The following TUBA3D variants were observed in gnomAD, a reference collection of about 807,000 sequenced individuals.
The protein encoded by TUBA3D is tubulin alpha-3D chain.
TUBA3D carries 24 observed loss-of-function variants against 36.1 expected under a neutral mutation model. The observed-to-expected ratio is 0.66, with a 90% confidence interval of 0.48 to 0.93. The LOEUF (loss-of-function observed/expected upper bound fraction) is 0.93. Ranked by LOEUF, TUBA3D falls within the 40% of genes least tolerant of loss-of-function variation. The pLI, the probability that TUBA3D is intolerant of heterozygous loss-of-function variation, is 0.00. For missense variants in TUBA3D, 356 were observed against 614.5 expected (o/e 0.58, Z 4.45); for synonymous variants, 185 against 247.2 (o/e 0.75, Z 2.36).
chr2:131,480,906 A>ATTT (rs201314369), intron 4 of TUBA3D, among the ~76,000 whole-genome samples, 157 bp downstream of exon 4: 1 of 150,218 alleles, frequency 6.7e-6, no homozygotes, highest in African/African-American at 2.5e-5. Context: ...TGATTCAGTG[A>ATTT]TTTCTTTTTT....
Position 131,480,515 on chromosome 2 carries a change from A to C in TUBA3D, c.822A>C (p.Pro274=). 6.3e-7 allele frequency: 1 copy of C among 1,599,620 alleles called. No homozygotes were observed. Among genetic ancestry groups the C allele is most frequent in the Non-Finnish European group, 8.5e-7 (1 of 1,175,826 alleles). ...RIHFPLATYA[P]VISAEKAYHE... Reference sequence around the variant, plus strand: ...ACTTCCCCCTGGCCACCTATGCCCCAGTCATCTCAGCTGAGAAGGCCTACC... The same window carrying C: ...ACTTCCCCCTGGCCACCTATGCCCCCGTCATCTCAGCTGAGAAGGCCTACC... Residue 274 remains proline, a synonymous_variant, in exon 4 of 5, where the codon CCA becomes CCC. Coordinates refer to ENST00000321253, the MANE Select transcript of TUBA3D (RefSeq NM_080386.4).
At chr2:131,478,040 T>C in intron 1 of TUBA3D, 124 bp from the exon 2 acceptor site, 1 of 1,335,374 alleles carries the variant, frequency 7.5e-7, no homozygotes, top group Non-Finnish European at 1.0e-6. Flanking sequence ...TCCTAGGAAA[T>C]ATCGATTGTG....
intron 1 of TUBA3D, among the ~76,000 whole-genome samples, chr2:131,477,310 T>C (rs941048546): frequency 2.6e-5 from 4 of 152,074 alleles, no homozygotes; most frequent in Admixed American, 2.6e-4. Flanking sequence ...GCTGGGATTA[T>C]AGGAATGAGC....
rs764154486 is a variant in TUBA3D at position 131,482,675 on chromosome 2, A to T, written c.1180A>T (p.Lys394Ter). 3 of 1,614,120 alleles carry T rather than the reference A, an allele frequency of 1.9e-6. No homozygotes were observed. In the Admixed American group the frequency reaches 5.0e-5, roughly 27 times the overall value. Reference sequence around the variant, plus strand: ...GGAGGCCTGGGCCCGCCTGGACCATAAGTTCGATCTCATGTATGCCAAGCG... The same window carrying T: ...GGAGGCCTGGGCCCGCCTGGACCATTAGTTCGATCTCATGTATGCCAAGCG... ...IAEAWARLDH[K>*]FDLMYAKRAF... Residue 394 changes from lysine to a stop codon, truncating the protein, a stop_gained, in exon 5 of 5, where the codon AAG becomes TAG. Coordinates refer to ENST00000321253, the MANE Select transcript of TUBA3D (RefSeq NM_080386.4). LOFTEE classifies it high-confidence loss of function.
rs1678834599 is a variant in TUBA3D at position 131,480,742 on chromosome 2, G to A, written c.1049G>A (p.Gly350Glu). Residue 350 changes from glycine to glutamate, a missense_variant, in exon 4 of 5, where the codon GGA becomes GAA. Gly to Glu is a moderately conservative substitution (Grantham distance 98). This residue lies in a region of TUBA3D where 156 missense variants were observed against 219.8 expected (regional missense o/e 0.71). Coordinates refer to ENST00000321253, the MANE Select transcript of TUBA3D (RefSeq NM_080386.4). Reference protein sequence around the residue: ...TIQFVDWCPTGFKVGINYQPP... With the variant: ...TIQFVDWCPTEFKVGINYQPP... ...CAGTTTGTGGATTGGTGCCCGACTG[G>A]ATTTAAGGTATGACTGGGTGATGTG... The A allele has an allele frequency of 1.6e-5, 25 of 1,609,702 alleles. No homozygotes were observed. The highest frequency in any genetic ancestry group is 2.1e-5 in the Non-Finnish European group (25 of 1,176,826).
At chr2:131,478,967 G>A (rs1250833450) in intron 2 of TUBA3D, among the ~76,000 whole-genome samples, 4 of 152,230 alleles carry the variant, frequency 2.6e-5, no homozygotes, top group Admixed American at 2.6e-4. Context: ...GACTGCCCAG[G>A]TTGTAAGAGT....
Position 131,478,301 on chromosome 2 carries a change from C to T in TUBA3D, c.141C>T (p.Asp47=). ...PSDKTIGGGD[D]SFNTFFSETG... is the part of the protein sequence containing the mutation. Reference sequence around the variant, plus strand: ...ATAAAACCATTGGTGGCGGGGACGACTCCTTCAACACGTTCTTCAGTGAGA... The same window carrying T: ...ATAAAACCATTGGTGGCGGGGACGATTCCTTCAACACGTTCTTCAGTGAGA... The change falls in exon 2 of 5, where the codon GAC becomes GAT. Residue 47 remains aspartate, a synonymous_variant. Transcript: ENST00000321253. The T allele has an allele frequency of 6.2e-7, 1 of 1,614,028 alleles. No homozygotes were observed. The highest frequency in any genetic ancestry group is 8.5e-7 in the Non-Finnish European group (1 of 1,179,896).
At chr2:131,478,105 C>A (rs1449869638) in intron 1 of TUBA3D, 59 bp from the exon 2 acceptor site, 18 of 1,577,126 alleles carry the variant, frequency 1.1e-5, no homozygotes, top group Non-Finnish European at 1.6e-5. Context: ...ATTTTGCATG[C>A]CATATAGTTT....
In TUBA3D at chr2:131,478,195, C is replaced by T. The variant is rs772419712; in HGVS notation, c.35C>T (p.Ala12Val). 4.3e-5 allele frequency: 70 copies of T among 1,613,800 alleles called. No individual in the cohort carries two copies. Among genetic ancestry groups the T allele is most frequent in the African/African-American group, 1.1e-4 (8 of 74,942 alleles). ...TGTATCTCTATCCACGTGGGGCAGG[C>T]GGGTGTCCAGATCGGCAATGCCTGC... ...RECISIHVGQ[A>V]GVQIGNACWE... Residue 12 changes from alanine (A) to valine (V), a missense_variant, in exon 2 of 5, where the codon GCG becomes GTG. Ala to Val is a moderately conservative substitution (Grantham distance 64). This residue lies in a region of TUBA3D where 109 missense variants were observed against 153.7 expected (regional missense o/e 0.71). Transcript: ENST00000321253.
At chr2:131,478,054 G>C in intron 1 of TUBA3D, 110 bp from the exon 2 acceptor site, 1 of 1,430,844 alleles carries the variant, frequency 7.0e-7, no homozygotes, top group Admixed American at 2.5e-5. Flanking sequence ...GATTGTGAAA[G>C]CGCCAGATAC....
chr2:131,479,447 C>A lies in TUBA3D; in HGVS notation c.366C>A (p.Ile122=). ...TTGTTGACCTAGTCCTGGACCGGAT[C>A]CGCAAACTGGTAAGAAGAGAAGGTT... ...KEIVDLVLDR[I]RKLADLCTGL... is the part of the protein sequence containing the mutation. The change falls in exon 3 of 5, where the codon ATC becomes ATA. Residue 122 remains isoleucine, a synonymous_variant. Coordinates refer to ENST00000321253, the MANE Select transcript of TUBA3D (RefSeq NM_080386.4). The A allele has an allele frequency of 6.2e-7, 1 of 1,614,062 alleles. No individual in the cohort carries two copies. Among genetic ancestry groups the A allele is most frequent in the African/African-American group, 1.3e-5 (1 of 74,986 alleles).
At chr2:131,482,104 A>G (rs1288678554) in intron 4 of TUBA3D, among the ~76,000 whole-genome samples, 2 of 152,232 alleles carry the variant, frequency 1.3e-5, no homozygotes, top group South Asian at 2.1e-4. Context: ...CTACCTTTGC[A>G]TATCCACAGT....
chr2:131,478,485 G>A (rs1319639746), intron 2 of TUBA3D, 99 bp downstream of exon 2: 17 of 1,361,414 alleles, frequency 1.2e-5, no homozygotes, highest in Non-Finnish European at 1.7e-5. Context: ...CTGAAAGGAT[G>A]GGATAGACAG....
At chr2:131,479,212 C>A (rs1573859067) in intron 2 of TUBA3D, 96 bp from the exon 3 acceptor site, 9 of 1,514,520 alleles carry the variant, frequency 5.9e-6, no homozygotes, top group Non-Finnish European at 8.0e-6. Flanking sequence ...GTACTTTGAA[C>A]AGCATGTGCT....
At chr2:131,482,244 A>C (rs1270573825) in intron 4 of TUBA3D, among the ~76,000 whole-genome samples, 4 of 152,166 alleles carry the variant, frequency 2.6e-5, no homozygotes, top group Non-Finnish European at 5.9e-5. Flanking sequence ...CAAAGAAGAC[A>C]AGCAGCATAC....
intron 1 of TUBA3D, 71 bp from the exon 2 acceptor site, chr2:131,478,093 A>G: frequency 6.4e-7 from 1 of 1,554,322 alleles, no homozygotes; most frequent in Non-Finnish European, 8.7e-7. Flanking sequence ...TTAAATTAGA[A>G]TATTTTGCAT....
At position 131,482,670 on chromosome 2, in the gene TUBA3D, A is replaced by C; in HGVS notation, c.1175A>C (p.Asp392Ala). The change falls in exon 5 of 5, where the codon GAC becomes GCC. Residue 392 changes from aspartate (D) to alanine (A), a missense_variant. This residue lies in a region of TUBA3D where 156 missense variants were observed against 219.8 expected (regional missense o/e 0.71). Transcript: ENST00000321253. ...TAIAEAWARLDHKFDLMYAKR... is the reference protein window; with the variant it reads ...TAIAEAWARLAHKFDLMYAKR... ...ATTGCGGAGGCCTGGGCCCGCCTGG[A>C]CCATAAGTTCGATCTCATGTATGCC... 1 of 1,568,824 alleles carries C rather than the reference A, an allele frequency of 6.4e-7. No individual in the cohort carries two copies.
chr2:131,480,575 C>T lies in TUBA3D; in HGVS notation c.882C>T (p.Ala294=), dbSNP rs749066528. 6.2e-7 allele frequency: 1 copy of T among 1,611,506 alleles called. No individual in the cohort carries two copies. Among genetic ancestry groups the T allele is most frequent in the South Asian group, 1.1e-5 (1 of 91,032 alleles). ...EQLSVAEITN[A]CFEPANQMVK... The stretch of plus-strand genomic sequence containing the variant: ...TGTCTGTGGCCGAGATCACCAATGC[C>T]TGCTTCGAGCCAGCCAATCAAATGG... The change falls in exon 4 of 5, where the codon GCC becomes GCT. Residue 294 remains alanine (A), a synonymous_variant. Transcript: ENST00000321253.
intron 4 of TUBA3D, among the ~76,000 whole-genome samples, chr2:131,481,435 ATT>A (rs70994779): frequency 7.7e-4 from 99 of 129,186 alleles, no homozygotes; most frequent in East Asian, 1.4e-3. Flanking sequence ...TGCCCGGGTA[ATT>A]TTTTTTTTTT....
Sources: allele counts gnomAD v4.1 joint callset (sites outside exome capture counted in the v4.1 genomes callset), GRCh38; gene constraint gnomAD v4.1.1; regional missense constraint gnomAD v4.1.1; transcripts MANE v1.5; gene names NCBI Gene and HGNC (gene_info 2026-07-23, HGNC 2026-07-21).